Variants in RHOBTB1 observed in about 807,000 individuals in gnomAD.
RHOBTB1 encodes the protein Rho related BTB domain containing 1, also known as rho-related BTB domain-containing protein 1.
RHOBTB1 carries 40 observed loss-of-function variants against 71.6 expected under a neutral mutation model. The observed-to-expected ratio is 0.56, with a 90% CI of 0.43 to 0.73. The LOEUF is 0.73. RHOBTB1 is among the 30% of genes least tolerant of loss of function. The pLI is 0.00. For missense variants in RHOBTB1, 797 were observed against 894.0 expected, an observed-to-expected ratio of 0.89 and a Z score of 1.38; for synonymous variants, 319 against 334.9, an observed-to-expected ratio of 0.95 and a Z score of 0.52.
intron 2 of RHOBTB1, among the ~76,000 whole-genome samples, chr10:60,936,339 T>G (rs1255725573): frequency 6.6e-6 from 1 of 152,264 alleles, no homozygotes; most frequent in Non-Finnish European, 1.5e-5. Flanking sequence ...ATTGAATTTA[T>G]AATATCAAGT....
intron 4 of RHOBTB1, among the ~76,000 whole-genome samples, chr10:60,897,104 GA>G (rs994692226): frequency 6.6e-6 from 1 of 151,182 alleles, no homozygotes; most frequent in African/African-American, 2.4e-5. Context: ...GAGGATTAAA[GA>G]AAAAAAAATC....
intron 6 of RHOBTB1, among the ~76,000 whole-genome samples, chr10:60,887,980 C>A (rs1220657045): frequency 1.3e-5 from 2 of 152,136 alleles, no homozygotes; most frequent in Admixed American, 6.5e-5. Flanking sequence ...GGCAGATTAC[C>A]TAACCTCTCT....
intron 2 of RHOBTB1, among the ~76,000 whole-genome samples, chr10:60,969,788 A>G (rs567498770): frequency 6.6e-6 from 1 of 152,252 alleles, no homozygotes; most frequent in East Asian, 1.9e-4. Flanking sequence ...TTACATCATA[A>G]TATGACTTAG....
At chr10:60,864,807 C>T (rs1035839416), downstream of RHOBTB1, among the ~76,000 whole-genome samples, 2 of 152,110 alleles carry the variant, frequency 1.3e-5, no homozygotes, top group Non-Finnish European at 2.9e-5. Context: ...ATTCTCCTGC[C>T]TTAGCCTCGC....
intron 2 of RHOBTB1, among the ~76,000 whole-genome samples, chr10:60,979,214 G>GT (rs2134776134): frequency 6.6e-6 from 1 of 152,078 alleles, no homozygotes; most frequent in South Asian, 2.1e-4. Context: ...ATTTTCATCT[G>GT]TATCTACCTT....
intron 2 of RHOBTB1, among the ~76,000 whole-genome samples, chr10:60,971,814 C>T (rs1331747475): frequency 6.6e-6 from 1 of 152,104 alleles, no homozygotes; most frequent in Non-Finnish European, 1.5e-5. Flanking sequence ...CTGCTAATAT[C>T]CAGAATCTAC....
At chr10:60,990,294 G>C (rs1305740197) in intron 1 of RHOBTB1, among the ~76,000 whole-genome samples, 7 of 152,018 alleles carry the variant, frequency 4.6e-5, no homozygotes, top group Middle Eastern at 3.2e-3. Context: ...ACCTCAGACT[G>C]TTCTATGCCC....
intron 8 of RHOBTB1, among the ~76,000 whole-genome samples, chr10:60,876,265 A>G (rs2081048433): frequency 6.6e-6 from 1 of 152,242 alleles, no homozygotes; most frequent in African/African-American, 2.4e-5. Flanking sequence ...TACAAAGCAA[A>G]TACTATAAAG....
intron 1 of RHOBTB1, among the ~76,000 whole-genome samples, chr10:60,991,170 C>T (rs1378559843): frequency 1.3e-5 from 2 of 152,170 alleles, no homozygotes; most frequent in African/African-American, 4.8e-5. Flanking sequence ...TTCCCCCTTG[C>T]CAACCCATAT....
In RHOBTB1 at chr10:60,987,919, C is replaced by CTTTTTTT. The variant is rs71018937; in HGVS notation, c.-162-1981_-162-1975dup. Among the ~76,000 whole-genome samples the CTTTTTTT allele has an allele frequency of 3.0e-4, 16 of 53,738 alleles. 2 individuals carry two copies. The highest frequency in any genetic ancestry group is 5.8e-4 in the African/African-American group (8 of 13,762). The allele number at this position is 53,738 out of a possible 152,430, so 35.3% of individuals were successfully genotyped here. A position where few individuals can be genotyped will look rare whatever the true frequency, so the allele number is the denominator to read the frequency against. On this transcript the variant is annotated intron_variant, in intron 1 of 11. Transcript: ENST00000357917. ...GCTGTCTGCTGTCTGAAATACTCAACTTTTTTTTTTTTTTTTTTTTTTTTT... is the reference window on the plus strand; with the variant it reads ...GCTGTCTGCTGTCTGAAATACTCAACTTTTTTTTTTTTTTTTTTTTTTTTTTTTTTTT...
At chr10:60,933,373 T>A (rs923974258) in intron 2 of RHOBTB1, among the ~76,000 whole-genome samples, 5 of 152,120 alleles carry the variant, frequency 3.3e-5, no homozygotes, top group Non-Finnish European at 7.3e-5. Flanking sequence ...TTCATCCAAT[T>A]TTAAGGTTTT....
intron 2 of RHOBTB1, among the ~76,000 whole-genome samples, chr10:60,949,306 A>G (rs2085335969): frequency 6.6e-6 from 1 of 152,244 alleles, no homozygotes; most frequent in Non-Finnish European, 1.5e-5. Flanking sequence ...GTCAACATCA[A>G]GGCATAACCT....
intron 1 of RHOBTB1, among the ~76,000 whole-genome samples, chr10:60,992,608 T>C (rs2086906237): frequency 6.6e-6 from 1 of 152,208 alleles, no homozygotes; most frequent in Non-Finnish European, 1.5e-5. Flanking sequence ...TGTATCAGGA[T>C]CTCAATAAAT....
intron 1 of RHOBTB1, among the ~76,000 whole-genome samples, chr10:60,990,776 C>T (rs1209705838): frequency 1.3e-5 from 2 of 152,138 alleles, no homozygotes; most frequent in Non-Finnish European, 2.9e-5. Context: ...CTATAACTTG[C>T]TTCATTATCT....
intron 4 of RHOBTB1, among the ~76,000 whole-genome samples, chr10:60,902,036 C>A (rs1268928189): frequency 6.6e-6 from 1 of 152,174 alleles, no homozygotes; most frequent in Non-Finnish European, 1.5e-5. Context: ...ATTTGGCACT[C>A]CGCTTTCCAA....
intron 2 of RHOBTB1, among the ~76,000 whole-genome samples, chr10:60,920,212 T>TA (rs2083479485): frequency 6.6e-6 from 1 of 152,120 alleles, no homozygotes; most frequent in Non-Finnish European, 1.5e-5. Flanking sequence ...GCCAGGCCTA[T>TA]AGGTGTACAG....
intron 2 of RHOBTB1, among the ~76,000 whole-genome samples, chr10:60,978,316 T>C (rs764057556): frequency 3.3e-5 from 5 of 152,154 alleles, no homozygotes; most frequent in Non-Finnish European, 7.4e-5. Context: ...TCCTGGCTGT[T>C]CACATCTCCA....
At chr10:60,917,419 T>C (rs1179798152) in intron 2 of RHOBTB1, among the ~76,000 whole-genome samples, 1 of 152,196 alleles carries the variant, frequency 6.6e-6, no homozygotes. Context: ...CAAAATACCA[T>C]AGACTAGGTG....
intron 4 of RHOBTB1, among the ~76,000 whole-genome samples, chr10:60,901,501 C>T (rs2082411667): frequency 6.6e-6 from 1 of 152,090 alleles, no homozygotes; most frequent in African/African-American, 2.4e-5. Flanking sequence ...TTTTGGATTA[C>T]CAGCTGTGTC....
Sources: allele counts gnomAD v4.1 joint callset (sites outside exome capture counted in the v4.1 genomes callset), GRCh38; gene constraint gnomAD v4.1.1; transcripts MANE v1.5; gene names NCBI Gene and HGNC (gene_info 2026-07-23, HGNC 2026-07-21).